PCDHA2: variants seen among roughly 807,000 people sequenced by gnomAD.
PCDHA2 encodes protocadherin alpha 2.
PCDHA2 carries 58 observed loss-of-function variants against 66.0 expected under a neutral mutation model. That is an observed-to-expected ratio of 0.88 (90% CI 0.71 to 1.09). PCDHA2 has a LOEUF of 1.09. Ranked by LOEUF, PCDHA2 falls within the 50% of genes least tolerant of loss-of-function variation. The pLI is 0.00. For missense variants in PCDHA2, 1,267 were observed against 1,242.3 expected, an observed-to-expected ratio of 1.02 and a Z score of -0.30; for synonymous variants, 634 against 554.0, an observed-to-expected ratio of 1.14 and a Z score of -2.03.
intron 1 of PCDHA2, among the ~76,000 whole-genome samples, chr5:140,855,207 A>G (rs1554147686): frequency 6.7e-6 from 1 of 149,928 alleles, no homozygotes; most frequent in East Asian, 1.9e-4. Flanking sequence ...AATAGTTTCC[A>G]TTTATGAAGC....
chr5:140,815,612 T>C (rs1765762414), intron 1 of PCDHA2: 1 of 152,158 alleles, frequency 6.6e-6, no homozygotes, highest in South Asian at 2.1e-4. Flanking sequence ...GTGACTTTTG[T>C]ACCACCATTA....
At chr5:140,927,602 T>G (rs2084408838) in intron 1 of PCDHA2, 1 of 1,614,104 alleles carries the variant, frequency 6.2e-7, no homozygotes, top group African/African-American at 1.3e-5. Context: ...GAGCGCTCCG[T>G]ATACCGCACC....
rs573477679 is a variant in PCDHA2, at chr5:140,796,572, C to A, written c.1608C>A (p.Ser536Arg). ...EEVELLQFQV[S>R]ARDAGVPPLG... is the part of the protein sequence containing the mutation. ...TGGAGCTGCTGCAGTTCCAGGTGAG[C>A]GCGCGGGATGCGGGCGTGCCGCCTC... is the stretch of plus-strand genomic sequence containing the variant. Residue 536 changes from serine to arginine, a missense_variant, in exon 1 of 4, where the codon AGC (serine) becomes AGA (arginine). Transcript: ENST00000526136. 2 of 1,613,296 alleles carry A rather than the reference C, an allele frequency of 1.2e-6. No homozygotes were observed. Among genetic ancestry groups the A allele is most frequent in the South Asian group, 1.1e-5 (1 of 91,052 alleles).
intron 1 of PCDHA2, chr5:140,802,781 A>G (rs782055202): frequency 1.5e-5 from 25 of 1,613,106 alleles, no homozygotes; most frequent in Non-Finnish European, 1.9e-5. Context: ...ACGAGGAGCT[A>G]GAGCTGCTGC....
chr5:140,827,775 G>A (rs1350103739), intron 1 of PCDHA2, among the ~76,000 whole-genome samples: 1 of 152,106 alleles, frequency 6.6e-6, no homozygotes, highest in Non-Finnish European at 1.5e-5. Flanking sequence ...AAAGAAGTCG[G>A]GATAACACTG....
Position 140,842,704 on chromosome 5 carries a change from G to T in PCDHA2, c.2388+45352G>T, listed in dbSNP as rs151170990. 1.9e-4 allele frequency: 301 copies of T among 1,595,236 alleles called. 23 individuals are homozygous for T. In the African/African-American group the frequency reaches 3.7e-3, roughly 20 times the overall value. On this transcript the variant is annotated intron_variant, in intron 1 of 3. Transcript: ENST00000526136. ...CGGCGTTCGCGCAGCCCGAGTACAC[G>T]GTGTTCGTGAAGGAGAACAACCCGC...
chr5:140,836,745 C>T, intron 1 of PCDHA2: 1 of 1,588,116 alleles, frequency 6.3e-7, no homozygotes, highest in Non-Finnish European at 8.6e-7. Flanking sequence ...CAATGTGAGT[C>T]ATAAATAATC....
chr5:140,857,951 G>T (rs569786768), intron 1 of PCDHA2: 15 of 1,597,274 alleles, frequency 9.4e-6, no homozygotes, highest in East Asian at 2.2e-5. Flanking sequence ...TACGACGCGC[G>T]CTCTGGATGA....
At chr5:140,897,458 G>A (rs191522392) in intron 1 of PCDHA2, among the ~76,000 whole-genome samples, 7 of 151,428 alleles carry the variant, frequency 4.6e-5, no homozygotes, top group African/African-American at 2.4e-5. Context: ...TTGTCCTTGC[G>A]ATAGTTTACT....
At chr5:140,807,646 A>T (rs1763995507) in intron 1 of PCDHA2, 1 of 1,614,220 alleles carries the variant, frequency 6.2e-7, no homozygotes, top group East Asian at 2.2e-5. Flanking sequence ...CTCGGTTTCC[A>T]CTAGAGGGCG....
At chr5:140,841,271 G>A (rs1554138054) in intron 1 of PCDHA2, 2 of 1,532,504 alleles carry the variant, frequency 1.3e-6, no homozygotes, top group Admixed American at 2.1e-5. Context: ...AAGTACAGTC[G>A]TTCATCTTTA....
In PCDHA2 at chr5:141,012,200, T is replaced by A. The variant is rs2098423248; in HGVS notation, c.*2263T>A. On this transcript the variant is annotated 3_prime_UTR_variant, in exon 4 of 4. Coordinates refer to ENST00000526136, the MANE Select transcript of PCDHA2 (RefSeq NM_018905.3). The stretch of plus-strand genomic sequence containing the variant: ...TAATTATAATGTATCTGTACAGCAC[T>A]TTTTACATTTGCGAAGTGCTTTCCA... 6.5e-6 allele frequency: 1 copy of A among 153,778 alleles called. No homozygotes were observed. The highest frequency in any genetic ancestry group is 1.5e-5 in the Non-Finnish European group (1 of 68,048). 9.5% of individuals were successfully genotyped at this position (153,778 alleles called of 1,614,324 possible). A position where few individuals can be genotyped will look rare whatever the true frequency, so the allele number is the denominator to read the frequency against.
chr5:140,928,585 G>T, intron 1 of PCDHA2: 1 of 1,614,194 alleles, frequency 6.2e-7, no homozygotes, highest in Non-Finnish European at 8.5e-7. Context: ...AAATGGTTCT[G>T]TCCCAGTGGA....
chr5:140,877,324 G>C (rs782336745), intron 1 of PCDHA2: 3 of 1,613,990 alleles, frequency 1.9e-6, no homozygotes, highest in Non-Finnish European at 2.5e-6. Context: ...GGCGGTCGGC[G>C]CGCACATCCC....
At chr5:140,876,172 G>C in intron 1 of PCDHA2, 1 of 1,613,970 alleles carries the variant, frequency 6.2e-7, no homozygotes, top group East Asian at 2.2e-5. Flanking sequence ...AACCGTCCTG[G>C]ATGTGAATGA....
chr5:140,878,342 CAAT>C (rs1416409658), intron 1 of PCDHA2, among the ~76,000 whole-genome samples: 2 of 152,076 alleles, frequency 1.3e-5, no homozygotes, highest in Non-Finnish European at 2.9e-5. Flanking sequence ...GGTATTATCA[CAAT>C]AATATAAATG....
intron 1 of PCDHA2, among the ~76,000 whole-genome samples, chr5:140,826,807 G>A (rs1769059412): frequency 6.6e-6 from 1 of 152,146 alleles, no homozygotes; most frequent in African/African-American, 2.4e-5. Context: ...TACCTAACAT[G>A]TGATTACATA....
At chr5:140,852,883 G>A (rs1190514830) in intron 1 of PCDHA2, 22 of 933,050 alleles carry the variant, frequency 2.4e-5, no homozygotes, top group African/African-American at 1.6e-4. Flanking sequence ...ATCATAAAAC[G>A]TATTTTTTTT....
intron 1 of PCDHA2, chr5:140,842,811 G>A: frequency 6.3e-7 from 1 of 1,594,024 alleles, no homozygotes; most frequent in Non-Finnish European, 8.6e-7. Context: ...CTTGTGGAGC[G>A]GCGGGTGGGC....
Sources: gnomAD v4.1 joint callset for allele counts (sites outside exome capture counted in the v4.1 genomes callset) on GRCh38, gnomAD v4.1.1 for gene constraint, MANE v1.5 for transcripts, NCBI Gene and HGNC (gene_info 2026-07-23, HGNC 2026-07-21) for gene names.